Variants in ZNF610 observed in about 807,000 individuals in gnomAD.
ZNF610 encodes zinc finger protein 610.
In ZNF610, 14 loss-of-function variants were observed where a neutral mutation model predicts 14.1. The ratio of observed to expected loss-of-function variants is 0.99; its 90% CI spans 0.65 to 1.55. The LOEUF is 1.55. Among genes scored for constraint, ZNF610 ranks in the 40% most tolerant of loss-of-function variants. The pLI is 0.00. For synonymous variants in ZNF610, 185 were observed against 187.6 expected (o/e 0.99, Z 0.11); for missense variants, 530 against 558.0 (o/e 0.95, Z 0.51).
chr19:52,336,195 C>A, upstream of ZNF610: 1 of 182,394 alleles, frequency 5.5e-6, no homozygotes, highest in Non-Finnish European at 1.1e-5. Context: ...GAAGCCCCGC[C>A]CCGTCCCGTC....
chr19:52,355,166 C>A (rs1985466972), intron 5 of ZNF610, among the ~76,000 whole-genome samples: 1 of 152,162 alleles, frequency 6.6e-6, no homozygotes, highest in African/African-American at 2.4e-5. Context: ...TGCCAGGGGT[C>A]TCTTTCCCCT....
intron 5 of ZNF610, among the ~76,000 whole-genome samples, chr19:52,362,903 G>A (rs531465208): frequency 3.9e-5 from 6 of 152,216 alleles, no homozygotes; most frequent in Middle Eastern, 3.4e-3. Flanking sequence ...TTGTGTATAC[G>A]TCTGTCATAT....
chr19:52,348,782 G>A (rs561052336), intron 2 of ZNF610, among the ~76,000 whole-genome samples: 2 of 152,196 alleles, frequency 1.3e-5, no homozygotes, highest in East Asian at 3.9e-4. Context: ...GAGCACCAAC[G>A]CTCTGTGTCC....
At chr19:52,364,661 C>T (rs1040590237) in intron 5 of ZNF610, among the ~76,000 whole-genome samples, 8 of 152,274 alleles carry the variant, frequency 5.3e-5, no homozygotes, top group African/African-American at 1.9e-4. Flanking sequence ...GCCCCGCCTT[C>T]CCCCATGTGA....
chr19:52,355,092 C>T (rs534053516), intron 5 of ZNF610, among the ~76,000 whole-genome samples: 11 of 152,340 alleles, frequency 7.2e-5, no homozygotes, highest in African/African-American at 2.4e-4. Context: ...TGATGGACAG[C>T]ACCCTGTCAT....
chr19:52,347,282 C>CA (rs35186476), intron 1 of ZNF610: 1 of 151,694 alleles, frequency 6.6e-6, no homozygotes, highest in African/African-American at 2.4e-5. Context: ...TGGTTGTTGA[C>CA]AAAAAAGTTT....
rs1447527992 is a variant in ZNF610, at chr19:52,349,792, A to G, written c.63+557A>G. Among the ~76,000 whole-genome samples, 3 of 152,136 alleles carry G rather than the reference A, an allele frequency of 2.0e-5. 1 individual carries two copies. In the South Asian group the frequency reaches 6.2e-4, roughly 32 times the overall value. ...CACCATGTTGGTCAGGCTGGTCTCG[A>G]ACCCCTGACCTCGTGATCCACCTGC... On this transcript the variant is annotated intron_variant, in intron 3 of 5. Transcript: ENST00000403906.
chr19:52,344,260 G>GA (rs534913572), intron 1 of ZNF610: 23 of 152,570 alleles, frequency 1.5e-4, no homozygotes, highest in Admixed American at 1.3e-3. Flanking sequence ...AGCTGCAGGT[G>GA]ACAAACACCC....
At chr19:52,349,021 G>A in intron 2 of ZNF610, 133 bp from the exon 3 acceptor site, 2 of 630,848 alleles carry the variant, frequency 3.2e-6, no homozygotes, top group African/African-American at 1.8e-5. Context: ...TCTTGTCCCT[G>A]CATCAACTCT....
intron 1 of ZNF610, among the ~76,000 whole-genome samples, chr19:52,340,742 G>A (rs559551658): frequency 1.3e-5 from 2 of 152,048 alleles, no homozygotes; most frequent in South Asian, 2.1e-4. Context: ...ATGTAATGGC[G>A]CAATCTCCAC....
intron 1 of ZNF610, among the ~76,000 whole-genome samples, chr19:52,339,315 T>A (rs1381588951): frequency 6.6e-6 from 1 of 151,942 alleles, no homozygotes; most frequent in Non-Finnish European, 1.5e-5. Context: ...AGACCCTTTA[T>A]GGGTTCCAGG....
rs192827979 is a variant in ZNF610, at chr19:52,342,654, C to A, written c.-257-5053C>A. Reference sequence around the variant, plus strand: ...CCCACCTCAGCCTCCTGAGTAGTCCCGAGCTGGGACTACAGGTCCGTACCA... The same window carrying A: ...CCCACCTCAGCCTCCTGAGTAGTCCAGAGCTGGGACTACAGGTCCGTACCA... On this transcript the variant is annotated intron_variant, in intron 1 of 5. Transcript: ENST00000403906. 6.0e-3 allele frequency among the ~76,000 whole-genome samples: 905 copies of A among 151,642 alleles called. 5 individuals are homozygous for A. The highest frequency in any genetic ancestry group is 0.021 in the African/African-American group (851 of 41,308).
At chr19:52,343,648 C>G (rs1028573636) in intron 1 of ZNF610, among the ~76,000 whole-genome samples, 5 of 152,288 alleles carry the variant, frequency 3.3e-5, no homozygotes, top group African/African-American at 1.2e-4. Flanking sequence ...TACCTTGATA[C>G]AAGCAGTTTC....
Position 52,366,805 on chromosome 19 carries a change from C to A in ZNF610, c.*38C>A. The A allele has an allele frequency of 6.6e-7, 1 of 1,506,978 alleles. No individual in the cohort carries two copies. The highest frequency in any genetic ancestry group is 1.4e-5 in the African/African-American group (1 of 72,500). The allele number at this position is 1,506,978 out of a possible 1,614,324, so 93.4% of individuals were successfully genotyped here. A position where few individuals can be genotyped will look rare whatever the true frequency, so the allele number is the denominator to read the frequency against. ...CTTTAGTTAGAATTCACACCTAGCA[C>A]AACATTGGAGGACTCAGGAGAAAAA... is the stretch of plus-strand genomic sequence containing the variant. On this transcript the variant is annotated 3_prime_UTR_variant, in exon 6 of 6. Transcript: ENST00000403906.
intron 5 of ZNF610, among the ~76,000 whole-genome samples, chr19:52,355,608 C>G (rs915372663): frequency 2.0e-5 from 3 of 152,206 alleles, no homozygotes; most frequent in African/African-American, 7.2e-5. Flanking sequence ...GGTTCCCAAG[C>G]CTGTCGCCCA....
chr19:52,341,121 C>T (rs1337420619), intron 1 of ZNF610, among the ~76,000 whole-genome samples: 1 of 152,034 alleles, frequency 6.6e-6, no homozygotes, highest in Non-Finnish European at 1.5e-5. Context: ...TACATTTCTC[C>T]CTGCAGTAAG....
At chr19:52,338,286 A>T (rs866051789) in intron 1 of ZNF610, among the ~76,000 whole-genome samples, 1 of 152,220 alleles carries the variant, frequency 6.6e-6, no homozygotes, top group Non-Finnish European at 1.5e-5. Context: ...CACAGAACTC[A>T]GGGAAACTTT....
intron 4 of ZNF610, 26 bp downstream of exon 4, chr19:52,353,834 C>A: frequency 1.2e-6 from 2 of 1,601,914 alleles, no homozygotes; most frequent in Non-Finnish European, 1.7e-6. Flanking sequence ...CTCCAGAAGC[C>A]GGGATCTGCT....
upstream of ZNF610, among the ~76,000 whole-genome samples, chr19:52,334,476 GCACT>G (rs1984279909): frequency 6.9e-6 from 1 of 145,222 alleles, no homozygotes; most frequent in Admixed American, 6.9e-5. Flanking sequence ...TTGCGCCACT[GCACT>G]CCAGCATGGG....
Sources: allele counts gnomAD v4.1 joint callset (sites outside exome capture counted in the v4.1 genomes callset), GRCh38; gene constraint gnomAD v4.1.1; transcripts MANE v1.5; gene names NCBI Gene and HGNC (gene_info 2026-07-23, HGNC 2026-07-21).